Variants in NDRG3 observed in about 807,000 individuals in gnomAD.
The protein encoded by NDRG3 is NDRG family member 3, also known as protein NDRG3.
In NDRG3, 23 loss-of-function variants were observed where a neutral mutation model predicts 57.2. That is an observed-to-expected ratio of 0.40 (90% CI 0.29 to 0.57). The LOEUF is 0.57. Ranked by LOEUF, NDRG3 falls within the 20% of genes least tolerant of loss-of-function variation. The pLI is 0.42. For synonymous variants in NDRG3, 132 were observed against 162.6 expected (o/e 0.81, Z 1.43); for missense variants, 384 against 457.3 (o/e 0.84, Z 1.46).
intron 13 of NDRG3, among the ~76,000 whole-genome samples, chr20:36,659,626 A>G (rs1978979543): frequency 6.6e-6 from 1 of 152,002 alleles, no homozygotes; most frequent in African/African-American, 2.4e-5. Flanking sequence ...TTTGAGATGG[A>G]GTCTTGCTCT....
intron 2 of NDRG3, among the ~76,000 whole-genome samples, chr20:36,715,055 T>TATAA (rs1491150097): frequency 8.5e-6 from 1 of 117,972 alleles, no homozygotes; most frequent in African/African-American, 3.1e-5. Flanking sequence ...TATATATATA[T>TATAA]TATATTTAAG....
intron 3 of NDRG3, chr20:36,700,429 A>T (rs746515493): frequency 1.9e-6 from 1 of 527,386 alleles, no homozygotes; most frequent in Non-Finnish European, 3.9e-6. Flanking sequence ...GAAAGGAAGC[A>T]CTCACCTCCA....
At chr20:36,703,582 T>G (rs1026905394) in intron 3 of NDRG3, among the ~76,000 whole-genome samples, 2 of 152,160 alleles carry the variant, frequency 1.3e-5, no homozygotes, top group African/African-American at 4.8e-5. Context: ...GTGCTGGGAC[T>G]ACAGGCGCAT....
At chr20:36,740,784 T>C (rs920978636) in intron 1 of NDRG3, among the ~76,000 whole-genome samples, 1 of 152,206 alleles carries the variant, frequency 6.6e-6, no homozygotes, top group African/African-American at 2.4e-5. Flanking sequence ...TTGTATAACA[T>C]GCAAAACACC....
intron 15 of NDRG3, among the ~76,000 whole-genome samples, chr20:36,655,743 C>T (rs757350765): frequency 2.0e-5 from 3 of 152,190 alleles, no homozygotes; most frequent in Non-Finnish European, 4.4e-5. Flanking sequence ...AATCATGGCC[C>T]TGCAGCTGAA....
At chr20:36,654,882 C>G in intron 15 of NDRG3, 1 of 779,516 alleles carries the variant, frequency 1.3e-6, no homozygotes, top group East Asian at 2.4e-5. Context: ...TTAGTGACCC[C>G]AGAGTGCCAA....
At chr20:36,659,487 G>A (rs1978967771) in intron 13 of NDRG3, among the ~76,000 whole-genome samples, 1 of 151,992 alleles carries the variant, frequency 6.6e-6, no homozygotes, top group Non-Finnish European at 1.5e-5. Context: ...TTTTACCAGA[G>A]GTTTGGGTGG....
intron 2 of NDRG3, among the ~76,000 whole-genome samples, chr20:36,720,529 G>T (rs2148195523): frequency 6.6e-6 from 1 of 152,198 alleles, no homozygotes; most frequent in Non-Finnish European, 1.5e-5. Context: ...ATCAACTGTG[G>T]TCTCATCTGC....
rs189999337 is a variant in NDRG3 at position 36,729,021 on chromosome 20, C to T, written c.-48-7238G>A. ...ACAGGTGTAAGCCACTGCTTCCAGG[C>T]TGTTCAAGGCATTTTGGATAAGGGA... On this transcript the variant is annotated intron_variant, in intron 1 of 15. Coordinates refer to ENST00000349004, the MANE Select transcript of NDRG3 (RefSeq NM_032013.4). Among the ~76,000 whole-genome samples the T allele has an allele frequency of 1.8e-4, 27 of 152,144 alleles. No individual in the cohort carries two copies. The East Asian group carries it at 5.0e-3, about 28-fold the overall frequency.
At chr20:36,738,561 G>A (rs892661357) in intron 1 of NDRG3, among the ~76,000 whole-genome samples, 3 of 151,688 alleles carry the variant, frequency 2.0e-5, no homozygotes, top group South Asian at 2.1e-4. Flanking sequence ...AGTGGCTCAC[G>A]CCTGTAATCC....
chr20:36,735,294 A>G (rs1240546721), intron 1 of NDRG3, among the ~76,000 whole-genome samples: 1 of 152,218 alleles, frequency 6.6e-6, no homozygotes, highest in Non-Finnish European at 1.5e-5. Flanking sequence ...CGCTCAGACT[A>G]AATGCTCATT....
intron 7 of NDRG3, 35 bp downstream of exon 7, chr20:36,682,483 T>A: frequency 6.3e-7 from 1 of 1,581,344 alleles, no homozygotes; most frequent in Non-Finnish European, 8.7e-7. Flanking sequence ...AGGCACTGCC[T>A]CAAGGATGTT....
chr20:36,713,523 G>T (rs1984044833), intron 2 of NDRG3, among the ~76,000 whole-genome samples: 1 of 152,066 alleles, frequency 6.6e-6, no homozygotes, highest in African/African-American at 2.4e-5. Context: ...CATGAGATCT[G>T]GTCAAAAGGC....
At chr20:36,733,434 T>A (rs527761603) in intron 1 of NDRG3, among the ~76,000 whole-genome samples, 1 of 151,388 alleles carries the variant, frequency 6.6e-6, no homozygotes, top group Admixed American at 6.6e-5. Flanking sequence ...CAAAACAGAA[T>A]GAAGGTATGG....
intron 3 of NDRG3, among the ~76,000 whole-genome samples, chr20:36,699,424 G>C (rs1017213358): frequency 6.6e-6 from 1 of 152,110 alleles, no homozygotes; most frequent in African/African-American, 2.4e-5. Flanking sequence ...AAAAGGGAGA[G>C]AAGGAGAAAG....
At chr20:36,668,936 G>T (rs1405276501) in intron 9 of NDRG3, among the ~76,000 whole-genome samples, 2 of 151,922 alleles carry the variant, frequency 1.3e-5, no homozygotes, top group African/African-American at 4.8e-5. Context: ...ATATGAAGTA[G>T]TATTTCTTTT....
intron 1 of NDRG3, among the ~76,000 whole-genome samples, chr20:36,730,255 A>T (rs915308675): frequency 7.9e-5 from 12 of 151,170 alleles, no homozygotes; most frequent in Admixed American, 1.3e-4. Context: ...TCCAAAAAAA[A>T]AAAAAAATTG....
chr20:36,745,954 G>T, intron 1 of NDRG3, 91 bp downstream of exon 1: 1 of 295,812 alleles, frequency 3.4e-6, no homozygotes, highest in African/African-American at 2.2e-5. Flanking sequence ...GTGCCGCGGA[G>T]ATGATGCGGG....
intron 1 of NDRG3, among the ~76,000 whole-genome samples, chr20:36,722,988 G>T (rs185747525): frequency 6.6e-6 from 1 of 152,208 alleles, no homozygotes; most frequent in East Asian, 1.9e-4. Context: ...CATGTGGAGA[G>T]GAACCAACTT....
Sources: gnomAD v4.1 joint callset for allele counts (sites outside exome capture counted in the v4.1 genomes callset) on GRCh38, gnomAD v4.1.1 for gene constraint, MANE v1.5 for transcripts, NCBI Gene and HGNC (gene_info 2026-07-23, HGNC 2026-07-21) for gene names.